CTNNA3: variants seen among roughly 807,000 people sequenced by gnomAD.
CTNNA3 encodes the protein catenin alpha 3.
In CTNNA3, 76 loss-of-function variants were observed where a neutral mutation model predicts 95.7. The observed-to-expected ratio is 0.79, with a 90% CI of 0.66 to 0.96. The LOEUF is 0.96. CTNNA3 is among the 40% of genes least tolerant of loss of function. CTNNA3 has a pLI of 0.00. For missense variants in CTNNA3, 1,191 were observed against 1,089.8 expected (o/e 1.09, Z -1.31); for synonymous variants, 431 against 374.4 (o/e 1.15, Z -1.74).
chr10:66,420,822 TAAATAAATAAATAAATA>T (rs200276453), intron 11 of CTNNA3, among the ~76,000 whole-genome samples: 5,415 of 115,452 alleles, frequency 0.047, 364 homozygotes, highest in East Asian at 0.24. Context: ...AATAAATAAA[TAAATAAATAAATAAATA>T]AAAAACAATA....
chr10:66,743,839 A>G (rs1217396156), intron 9 of CTNNA3, among the ~76,000 whole-genome samples: 1 of 151,828 alleles, frequency 6.6e-6, no homozygotes, highest in East Asian at 1.9e-4. Flanking sequence ...AGCTGGGCAC[A>G]GTGGCGTGTG....
intron 7 of CTNNA3, among the ~76,000 whole-genome samples, chr10:66,892,711 C>A (rs1845320035): frequency 1.3e-5 from 2 of 152,234 alleles, no homozygotes; most frequent in South Asian, 4.1e-4. Flanking sequence ...ATTAAGCTTT[C>A]TCTAAGAACA....
chr10:67,473,749 T>C (rs911646448), intron 5 of CTNNA3, among the ~76,000 whole-genome samples: 3 of 152,184 alleles, frequency 2.0e-5, no homozygotes, highest in African/African-American at 7.2e-5. Context: ...AAAAATGATA[T>C]ATTATAACAA....
chr10:67,242,425 T>C (rs1266680503), intron 5 of CTNNA3, among the ~76,000 whole-genome samples: 2 of 152,212 alleles, frequency 1.3e-5, no homozygotes, highest in Non-Finnish European at 2.9e-5. Context: ...TTCAAATAGC[T>C]TGAAATGCCT....
intron 9 of CTNNA3, among the ~76,000 whole-genome samples, chr10:66,754,828 T>C (rs1229242971): frequency 6.6e-6 from 1 of 152,154 alleles, no homozygotes; most frequent in African/African-American, 2.4e-5. Context: ...TGTAGAGAAT[T>C]GAAGCCTTCA....
chr10:66,938,474 A>C (rs1442634537), intron 7 of CTNNA3, among the ~76,000 whole-genome samples: 1 of 152,210 alleles, frequency 6.6e-6, no homozygotes, highest in Non-Finnish European at 1.5e-5. Context: ...CATAAGGAAA[A>C]GAAAATATAT....
intron 9 of CTNNA3, among the ~76,000 whole-genome samples, chr10:66,648,531 G>T (rs542514811): frequency 6.6e-6 from 1 of 152,064 alleles, no homozygotes; most frequent in African/African-American, 2.4e-5. Context: ...CCTAAAGACC[G>T]GGGACAAGTG....
intron 9 of CTNNA3, among the ~76,000 whole-genome samples, chr10:66,762,609 C>G (rs1036208459): frequency 2.0e-5 from 3 of 151,674 alleles, no homozygotes; most frequent in African/African-American, 7.3e-5. Flanking sequence ...GTGTCACCAC[C>G]AAGGAACAGG....
chr10:67,106,262 C>A (rs182021822), intron 7 of CTNNA3, among the ~76,000 whole-genome samples: 210 of 152,234 alleles, frequency 1.4e-3, no homozygotes, highest in African/African-American at 4.8e-3. Flanking sequence ...GGGGCCACTT[C>A]TTTTTAACTT....
chr10:66,729,107 A>G (rs1297689744), intron 9 of CTNNA3, among the ~76,000 whole-genome samples: 1 of 152,210 alleles, frequency 6.6e-6, no homozygotes, highest in African/African-American at 2.4e-5. Context: ...CCATTGGTTT[A>G]CATGTCTGTT....
chr10:67,729,340 T>C (rs1001725737), intron 1 of CTNNA3, among the ~76,000 whole-genome samples: 1 of 152,120 alleles, frequency 6.6e-6, no homozygotes, highest in African/African-American at 2.4e-5. Flanking sequence ...CATTTATAGA[T>C]CTATTAACTT....
chr10:66,059,112 T>C (rs1372109144), intron 15 of CTNNA3, among the ~76,000 whole-genome samples: 1 of 152,120 alleles, frequency 6.6e-6, no homozygotes, highest in African/African-American at 2.4e-5. Flanking sequence ...ATACCATAAT[T>C]TATTTTTTCT....
At chr10:66,744,346 C>T (rs564479878) in intron 9 of CTNNA3, among the ~76,000 whole-genome samples, 1 of 152,268 alleles carries the variant, frequency 6.6e-6, no homozygotes, top group African/African-American at 2.4e-5. Context: ...ACATGACATT[C>T]TAATTTGGAT....
intron 14 of CTNNA3, among the ~76,000 whole-genome samples, chr10:66,069,962 G>T (rs961897361): frequency 7.9e-5 from 12 of 151,816 alleles, no homozygotes; most frequent in Non-Finnish European, 1.5e-5. Context: ...ACATAATAAA[G>T]AAAAAACAAT....
At chr10:66,177,013 G>A (rs926087496) in intron 13 of CTNNA3, among the ~76,000 whole-genome samples, 6 of 152,010 alleles carry the variant, frequency 3.9e-5, no homozygotes, top group African/African-American at 9.7e-5. Flanking sequence ...AGAACTAAGC[G>A]AAGGAGGGAT....
chr10:67,128,916 T>A (rs964626858), intron 7 of CTNNA3, among the ~76,000 whole-genome samples: 1 of 151,988 alleles, frequency 6.6e-6, no homozygotes. Flanking sequence ...CTTCTAAACA[T>A]AGAAAATTAA....
At chr10:66,367,166 A>G (rs1296406541) in intron 12 of CTNNA3, among the ~76,000 whole-genome samples, 3 of 152,150 alleles carry the variant, frequency 2.0e-5, no homozygotes, top group African/African-American at 7.2e-5. Context: ...TAGCCAAGCC[A>G]TGCTATGTAA....
At chr10:66,579,260 A>T (rs1325552192) in intron 10 of CTNNA3, among the ~76,000 whole-genome samples, 1 of 151,760 alleles carries the variant, frequency 6.6e-6, no homozygotes, top group Non-Finnish European at 1.5e-5. Flanking sequence ...TATTTCCCTA[A>T]ATAGTCACAA....
At chr10:66,791,839 T>C (rs1174335794) in intron 7 of CTNNA3, among the ~76,000 whole-genome samples, 2 of 152,154 alleles carry the variant, frequency 1.3e-5, no homozygotes, top group Non-Finnish European at 1.5e-5. Flanking sequence ...TTGTGAAAGA[T>C]ACTGTCTTAT....
Sources: allele counts gnomAD v4.1 joint callset (sites outside exome capture counted in the v4.1 genomes callset), GRCh38; gene constraint gnomAD v4.1.1; transcripts MANE v1.5; gene names NCBI Gene and HGNC (gene_info 2026-07-23, HGNC 2026-07-21).